The following RFC3 variants were observed in gnomAD, a reference collection of about 807,000 sequenced individuals.
The protein encoded by RFC3 is replication factor C subunit 3, also known as A1 38 kDa subunit.
A neutral mutation model predicts 45.1 loss-of-function variants in RFC3; 41 were observed. The ratio of observed to expected loss-of-function variants is 0.91; its 90% CI spans 0.71 to 1.18. RFC3 has a LOEUF of 1.18. RFC3 is among the 50% of genes most tolerant of loss of function. The pLI is 0.00. For missense variants in RFC3, 423 were observed against 428.1 expected, an observed-to-expected ratio of 0.99 and a Z score of 0.10; for synonymous variants, 149 against 144.0, an observed-to-expected ratio of 1.03 and a Z score of -0.25.
At chr13:33,865,009 GAGA>G (rs1180732732) in intron 8 of RFC3, among the ~76,000 whole-genome samples, 1 of 152,060 alleles carries the variant, frequency 6.6e-6, no homozygotes, top group Non-Finnish European at 1.5e-5. Context: ...AAATAGAAGA[GAGA>G]AGAAGAAAGA....
At chr13:33,895,684 T>G (rs1427881979) in intron 8 of RFC3, among the ~76,000 whole-genome samples, 1 of 152,232 alleles carries the variant, frequency 6.6e-6, no homozygotes, top group Non-Finnish European at 1.5e-5. Context: ...AAAGTCGTTA[T>G]ATCATAAAGA....
chr13:33,899,220 A>AAAAAAAAAAAAAAAAAAAT (rs2082622771), intron 8 of RFC3, among the ~76,000 whole-genome samples: 1 of 149,168 alleles, frequency 6.7e-6, no homozygotes, highest in Non-Finnish European at 1.5e-5. Flanking sequence ...AAAAAAAAAA[A>AAAAAAAAAAAAAAAAAAAT]AAAAAAAAAG....
chr13:33,957,709 G>A (rs2083030571), intron 8 of RFC3, among the ~76,000 whole-genome samples: 1 of 152,134 alleles, frequency 6.6e-6, no homozygotes, highest in Non-Finnish European at 1.5e-5. Context: ...ACAAGCGCAA[G>A]CCCACTGCAT....
rs1566382740 is a variant in RFC3 at position 33,831,320 on chromosome 13, G to A, written c.775G>A (p.Ala259Thr). Residue 259 changes from alanine to threonine, a missense_variant, in exon 7 of 9, where the codon GCA becomes ACA. Ala to Thr is a moderately conservative substitution (Grantham distance 58). Coordinates refer to ENST00000380071, the MANE Select transcript of RFC3 (RefSeq NM_002915.4). The part of the protein sequence containing the change: ...TDWEVYLRET[A>T]NAIVSQQTPQ... ...TTGGGAGGTGTATCTGAGGGAGACT[G>A]CAAATGCTATTGTCAGTCAGCAAAC... 6.2e-7 allele frequency: 1 copy of A among 1,609,734 alleles called. No individual in the cohort carries two copies. The highest frequency in any genetic ancestry group is 2.2e-5 in the East Asian group (1 of 44,852).
chr13:33,946,493 A>G (rs1355480752), intron 8 of RFC3, among the ~76,000 whole-genome samples: 1 of 152,204 alleles, frequency 6.6e-6, no homozygotes, highest in Non-Finnish European at 1.5e-5. Flanking sequence ...AATGATAAAT[A>G]CATTTATTAT....
At chr13:33,879,149 G>T (rs113382674) in intron 8 of RFC3, among the ~76,000 whole-genome samples, 1 of 151,862 alleles carries the variant, frequency 6.6e-6, no homozygotes, top group Non-Finnish European at 1.5e-5. Flanking sequence ...TTTATTGTCT[G>T]CAGAAACACA....
In RFC3 at chr13:33,868,190, A is replaced by C. The variant is rs563554089; in HGVS notation, c.879+32973A>C. On this transcript the variant is annotated intron_variant, in intron 8 of 8. Transcript: ENST00000434425. ...ACGAAGATAACTGGACCTGTGCAGG[A>C]CATCAGCTATTGTTCGGAAAGTCAA... is the stretch of plus-strand genomic sequence containing the variant. Among the ~76,000 whole-genome samples the C allele has an allele frequency of 2.6e-5, 4 of 152,320 alleles. No homozygotes were observed. The South Asian group carries it at 8.3e-4, about 32-fold the overall frequency.
chr13:33,896,711 C>CAAAAAAAAAAAAAA (rs56129519), intron 8 of RFC3, among the ~76,000 whole-genome samples: 2 of 42,114 alleles, frequency 4.7e-5, no homozygotes, highest in Non-Finnish European at 4.9e-5. Flanking sequence ...GACTTTGTCT[C>CAAAAAAAAAAAAAA]AAAAAAAAAA....
intron 8 of RFC3, among the ~76,000 whole-genome samples, chr13:33,931,542 C>T (rs1027378371): frequency 3.9e-5 from 6 of 151,986 alleles, no homozygotes; most frequent in Non-Finnish European, 1.5e-5. Context: ...TAAAATCTTG[C>T]GAACAGGAGA....
At chr13:33,820,495 T>A (rs961603614) in intron 1 of RFC3, among the ~76,000 whole-genome samples, 9 of 152,172 alleles carry the variant, frequency 5.9e-5, no homozygotes, top group African/African-American at 2.2e-4. Flanking sequence ...GCTTTAAGAG[T>A]TTCCCTAGCA....
At chr13:33,957,816 TC>T (rs2083031323) in intron 8 of RFC3, among the ~76,000 whole-genome samples, 1 of 152,068 alleles carries the variant, frequency 6.6e-6, no homozygotes, top group Non-Finnish European at 1.5e-5. Context: ...CTGGAGTCTT[TC>T]TCCAGTCTTG....
intron 8 of RFC3, among the ~76,000 whole-genome samples, chr13:33,946,003 C>T (rs1459822366): frequency 6.6e-6 from 1 of 152,150 alleles, no homozygotes; most frequent in Non-Finnish European, 1.5e-5. Context: ...TTCAAACCTT[C>T]AGTATCTCAT....
chr13:33,942,120 G>A (rs2082928180), intron 8 of RFC3, among the ~76,000 whole-genome samples: 1 of 151,876 alleles, frequency 6.6e-6, no homozygotes, highest in Middle Eastern at 3.4e-3. Context: ...AATTATAGCT[G>A]TTTTAAAGTG....
chr13:33,857,543 C>A (rs1184716106), intron 8 of RFC3, among the ~76,000 whole-genome samples: 1 of 152,078 alleles, frequency 6.6e-6, no homozygotes, highest in Non-Finnish European at 1.5e-5. Context: ...TGTTTAAGCC[C>A]AATGAATTAA....
intron 8 of RFC3, among the ~76,000 whole-genome samples, chr13:33,920,008 C>A (rs74046221): frequency 1.3e-5 from 2 of 152,050 alleles, no homozygotes; most frequent in South Asian, 4.1e-4. Context: ...ATAAAAGATG[C>A]CCTAGAAATT....
At position 33,875,405 on chromosome 13, in the gene RFC3, T is replaced by C. The variant is rs78288783; in HGVS notation, c.879+40188T>C. Among the ~76,000 whole-genome samples the C allele has an allele frequency of 5.7e-3, 863 of 152,254 alleles. 21 individuals are homozygous for C. In the East Asian group the frequency reaches 0.07, roughly 12 times the overall value. ...ACGAAGCATTACCCAGGAGTAGCTA[T>C]AATCTAGGCAGAGGAGTGGCATGCC... On this transcript the variant is annotated intron_variant, in intron 8 of 8. Transcript: ENST00000434425.
At chr13:33,961,182 C>T (rs1420016107) in intron 8 of RFC3, among the ~76,000 whole-genome samples, 1 of 152,162 alleles carries the variant, frequency 6.6e-6, no homozygotes, top group African/African-American at 2.4e-5. Context: ...GCCTATTACA[C>T]ACATGGTCTC....
At chr13:33,830,435 A>G (rs748988956) in intron 5 of RFC3, among the ~76,000 whole-genome samples, 1 of 152,212 alleles carries the variant, frequency 6.6e-6, no homozygotes, top group South Asian at 2.1e-4. Flanking sequence ...ATATATATAC[A>G]TAGATATATT....
In RFC3 at chr13:33,851,346, T is replaced by C. The variant is rs80048680; in HGVS notation, c.879+16129T>C. On this transcript the variant is annotated intron_variant, in intron 8 of 8. Coordinates refer to the RFC3 transcript ENST00000434425. ...ACAGTTGAAAATCAACATAGAACTT[T>C]TGACTCCCCCAAACTTAATAGACTA... Among the ~76,000 whole-genome samples the C allele has an allele frequency of 1.3e-3, 205 of 152,272 alleles. 1 individual carries two copies. Among genetic ancestry groups the C allele is most frequent in the African/African-American group, 3.9e-3 (163 of 41,560 alleles).
Sources: gnomAD v4.1 joint callset for allele counts (sites outside exome capture counted in the v4.1 genomes callset) on GRCh38, gnomAD v4.1.1 for gene constraint, MANE v1.5 for transcripts, NCBI Gene and HGNC (gene_info 2026-07-23, HGNC 2026-07-21) for gene names.